RRM2B: variants seen among roughly 807,000 people sequenced by gnomAD.
RRM2B encodes the protein ribonucleoside-diphosphate reductase subunit M2 B.
RRM2B carries 20 observed loss-of-function variants against 45.9 expected under a neutral mutation model. The observed-to-expected ratio is 0.44, with a 90% CI of 0.31 to 0.63. RRM2B has a LOEUF of 0.63. RRM2B is among the 30% of genes least tolerant of loss of function. The pLI, the probability that RRM2B is intolerant of heterozygous loss-of-function variation, is 0.09. For synonymous variants in RRM2B, 124 were observed against 132.3 expected (o/e 0.94, Z 0.43); for missense variants, 320 against 414.7 (o/e 0.77, Z 1.98).
At chr8:102,218,992 C>A (rs1293393994) in intron 5 of RRM2B, 45 bp from the exon 6 acceptor site, 1 of 1,565,092 alleles carries the variant, frequency 6.4e-7, no homozygotes, top group Non-Finnish European at 8.8e-7. Flanking sequence ...ATACTGCAAA[C>A]ATTTGCATAT....
At chr8:102,230,504 C>A (rs1182185420) in intron 2 of RRM2B, among the ~76,000 whole-genome samples, 1 of 152,150 alleles carries the variant, frequency 6.6e-6, no homozygotes, top group Non-Finnish European at 1.5e-5. Flanking sequence ...TTCTCTGAAC[C>A]GTATCTAACA....
Position 102,212,856 on chromosome 8 carries a change from T to C in RRM2B, c.823A>G (p.Ile275Val). 1 of 1,609,244 alleles carries C rather than the reference T, an allele frequency of 6.2e-7. No individual in the cohort carries two copies. Among genetic ancestry groups the C allele is most frequent in the Non-Finnish European group, 8.5e-7 (1 of 1,175,884 alleles). ...FLTEALPVGL[I>V]GMNCILMKQY... is the part of the protein sequence containing the mutation. The stretch of plus-strand genomic sequence containing the variant: ...TTCATCAAAATGCAATTCATTCCAA[T>C]GAGGCCAACTGGCAAGGCTTCTGTT... Residue 275 changes from isoleucine to valine, a missense_variant, in exon 8 of 9, where the codon ATT becomes GTT. Physicochemically the swap from Ile to Val is conservative, Grantham distance 29. This residue lies in a region of RRM2B where 225 missense variants were observed against 289.4 expected (regional missense o/e 0.78). Coordinates refer to ENST00000251810, the MANE Select transcript of RRM2B (RefSeq NM_015713.5).
intron 5 of RRM2B, chr8:102,219,156 A>C: frequency 1.7e-6 from 1 of 584,746 alleles, no homozygotes. Context: ...ATCCTCTGTC[A>C]GACGATGGAC....
At chr8:102,230,491 T>C (rs566334732) in intron 2 of RRM2B, among the ~76,000 whole-genome samples, 106 of 152,338 alleles carry the variant, frequency 7.0e-4, no homozygotes, top group Non-Finnish European at 1.4e-3. Context: ...CGTATTCCAC[T>C]CGTTCTCTGA....
chr8:102,211,834 G>A (rs559591110), intron 8 of RRM2B, among the ~76,000 whole-genome samples: 118 of 152,116 alleles, frequency 7.8e-4, no homozygotes, highest in South Asian at 1.9e-3. Context: ...AAAAACCTAC[G>A]CCCCACTTGA....
Position 102,238,900 on chromosome 8 carries a change from G to A in RRM2B, c.-26C>T, listed in dbSNP as rs767016235. ...CGCGCAGACTCCGCCGAAGCTACGG[G>A]CGCTGAGGGAACTGAGCTCCTCAGG... On this transcript the variant is annotated 5_prime_UTR_variant, in exon 1 of 9. Coordinates refer to ENST00000251810, the MANE Select transcript of RRM2B (RefSeq NM_015713.5). 7 of 1,607,726 alleles carry A rather than the reference G, an allele frequency of 4.4e-6. No homozygotes were observed. In the South Asian group the frequency reaches 6.6e-5, roughly 15 times the overall value.
At chr8:102,209,123 C>T (rs1563658855) in intron 8 of RRM2B, among the ~76,000 whole-genome samples, 1 of 152,002 alleles carries the variant, frequency 6.6e-6, no homozygotes, top group Non-Finnish European at 1.5e-5. Context: ...GCACTGTAGC[C>T]TGGGCAACAG....
intron 8 of RRM2B, among the ~76,000 whole-genome samples, chr8:102,211,206 G>C (rs1270881306): frequency 2.0e-5 from 3 of 152,176 alleles, no homozygotes; most frequent in Admixed American, 6.5e-5. Context: ...ATGTTGCCTA[G>C]GCTGGTCTCA....
intron 2 of RRM2B, among the ~76,000 whole-genome samples, chr8:102,229,274 C>T (rs547654328): frequency 0.092 from 13,669 of 149,324 alleles, 663 homozygotes; most frequent in Non-Finnish European, 0.1. Context: ...ACAACAACAA[C>T]AAAAAAAAAA....
Position 102,238,911 on chromosome 8 carries a change from A to G in RRM2B, c.-37T>C. On this transcript the variant is annotated 5_prime_UTR_variant, in exon 1 of 9. Coordinates refer to ENST00000251810, the MANE Select transcript of RRM2B (RefSeq NM_015713.5). The stretch of plus-strand genomic sequence containing the variant: ...CGCCGAAGCTACGGGCGCTGAGGGA[A>G]CTGAGCTCCTCAGGCCACCTCCAAC... 6.2e-7 allele frequency: 1 copy of G among 1,603,470 alleles called. No homozygotes were observed. The highest frequency in any genetic ancestry group is 8.5e-7 in the Non-Finnish European group (1 of 1,177,874).
Position 102,205,793 on chromosome 8 carries a change from A to C in RRM2B, c.*2340T>G, listed in dbSNP as rs1810533467. 2 of 152,142 alleles carry C rather than the reference A, an allele frequency of 1.3e-5. No homozygotes were observed. Among genetic ancestry groups the C allele is most frequent in the African/African-American group, 4.8e-5 (2 of 41,462 alleles). 9.4% of individuals were successfully genotyped at this position (152,142 alleles called of 1,614,324 possible). A position where few individuals can be genotyped will look rare whatever the true frequency, so the allele number is the denominator to read the frequency against. The stretch of plus-strand genomic sequence containing the variant: ...AGAACTAAGAACCAAAGTATTGAAC[A>C]TAATAAATAAATGTGCAACCTGGAG... On this transcript the variant is annotated 3_prime_UTR_variant, in exon 9 of 9. Transcript: ENST00000251810.
chr8:102,222,567 TA>T (rs1442471861), intron 5 of RRM2B, among the ~76,000 whole-genome samples: 4 of 152,202 alleles, frequency 2.6e-5, no homozygotes, highest in East Asian at 3.8e-4. Flanking sequence ...ATTAAGGCAT[TA>T]TTTTTTTTTA....
chr8:102,238,711 G>A lies in RRM2B; in HGVS notation c.48+116C>T, dbSNP rs545285427. On this transcript the variant is annotated intron_variant, in intron 1 of 8. Transcript: ENST00000251810. ...CGAAGCCAGGCTGCGGCGAGGGCGG[G>A]CGGACAGGCCTGTCCTGACCGCGGC... 5 of 1,573,528 alleles carry A rather than the reference G, an allele frequency of 3.2e-6. No individual in the cohort carries two copies. In the African/African-American group the frequency reaches 5.4e-5, roughly 17 times the overall value.
chr8:102,208,172 T>G lies in RRM2B; in HGVS notation c.1017A>C (p.Glu339Asp). ...CCAAGGTGAAGACGTTATCTGTGGTTTCTGCCATAACTGCAAAACGCTGAT... is the reference window on the plus strand; with the variant it reads ...CCAAGGTGAAGACGTTATCTGTGGTGTCTGCCATAACTGCAAAACGCTGAT... ...SEYQRFAVMA[E>D]TTDNVFTLDA... Residue 339 changes from glutamate (E) to aspartate (D), a missense_variant, in exon 9 of 9, where the codon GAA (glutamate) becomes GAC (aspartate). Coordinates refer to ENST00000251810, the MANE Select transcript of RRM2B (RefSeq NM_015713.5). 6.2e-7 allele frequency: 1 copy of G among 1,613,778 alleles called. No individual in the cohort carries two copies. Among genetic ancestry groups the G allele is most frequent in the East Asian group, 2.2e-5 (1 of 44,852 alleles).
intron 6 of RRM2B, chr8:102,214,464 C>T (rs1810691318): frequency 3.6e-6 from 1 of 278,872 alleles, no homozygotes; most frequent in Non-Finnish European, 7.2e-6. Context: ...AGCAAGAAAG[C>T]CTGAAATGAA....
intron 7 of RRM2B, 39 bp downstream of exon 7, chr8:102,214,015 A>G: frequency 7.6e-7 from 1 of 1,308,874 alleles, no homozygotes; most frequent in Non-Finnish European, 1.1e-6. Flanking sequence ...AACATCAGAG[A>G]AAGAGAGATG....
rs11333663 is a variant in RRM2B, at chr8:102,226,308, TA to T, written c.205-275del. On this transcript the variant is annotated intron_variant, in intron 2 of 8. Coordinates refer to ENST00000251810, the MANE Select transcript of RRM2B (RefSeq NM_015713.5). ...GCAAAGGAAATATTAATTTGTTACA[TA>T]ATGGGTAACCATTTTATTATATATA... Among the ~76,000 whole-genome samples the T allele has an allele frequency of 0.09, 13,650 of 151,372 alleles. 662 individuals are homozygous for T. The highest frequency in any genetic ancestry group is 0.1 in the Non-Finnish European group (6,999 of 67,854).
chr8:102,234,412 T>G (rs1811082846), intron 1 of RRM2B, among the ~76,000 whole-genome samples: 1 of 152,186 alleles, frequency 6.6e-6, no homozygotes, highest in Non-Finnish European at 1.5e-5. Flanking sequence ...TGACGTATTA[T>G]TTCATAATGC....
intron 1 of RRM2B, among the ~76,000 whole-genome samples, 176 bp from the exon 2 acceptor site, chr8:102,232,480 A>T (rs1359313241): frequency 1.3e-5 from 2 of 152,160 alleles, no homozygotes; most frequent in East Asian, 3.9e-4. Context: ...TGCGTGTGTG[A>T]CCATAGAAAG....
Sources: allele counts gnomAD v4.1 joint callset (sites outside exome capture counted in the v4.1 genomes callset), GRCh38; gene constraint gnomAD v4.1.1; regional missense constraint gnomAD v4.1.1; transcripts MANE v1.5; gene names NCBI Gene and HGNC (gene_info 2026-07-23, HGNC 2026-07-21).